The following MPPED2 variants were observed in gnomAD, a reference collection of about 807,000 sequenced individuals.
MPPED2 encodes metallophosphoesterase domain containing 2.
MPPED2 carries 5 observed loss-of-function variants against 33.0 expected under a neutral mutation model. That is an observed-to-expected ratio of 0.15 (90% CI 0.08 to 0.32). The LOEUF is 0.32. Among genes scored for constraint, MPPED2 ranks in the 10% least tolerant of loss-of-function variants. MPPED2 has a pLI of 1.00. For missense variants in MPPED2, 275 were observed against 372.1 expected (o/e 0.74, Z 2.15); for synonymous variants, 136 against 141.9 (o/e 0.96, Z 0.29).
chr11:30,535,788 C>G (rs1440592826), intron 3 of MPPED2, among the ~76,000 whole-genome samples: 4 of 152,008 alleles, frequency 2.6e-5, no homozygotes, highest in Non-Finnish European at 4.4e-5. Context: ...GCCACCAAGG[C>G]CAGGCACTGA....
intron 4 of MPPED2, among the ~76,000 whole-genome samples, chr11:30,491,130 G>GA (rs1203307898): frequency 2.6e-5 from 4 of 152,156 alleles, no homozygotes; most frequent in Non-Finnish European, 1.5e-5. Context: ...CTCAGAGATG[G>GA]AAAAAATCTA....
intron 4 of MPPED2, among the ~76,000 whole-genome samples, chr11:30,473,214 C>T (rs975587090): frequency 6.6e-6 from 1 of 152,142 alleles, no homozygotes; most frequent in Non-Finnish European, 1.5e-5. Flanking sequence ...AAATACAAGC[C>T]TTGGCATGTA....
intron 4 of MPPED2, among the ~76,000 whole-genome samples, chr11:30,428,726 C>G (rs556123860): frequency 2.0e-5 from 3 of 152,030 alleles, no homozygotes; most frequent in Non-Finnish European, 2.9e-5. Flanking sequence ...ATCTATAAAA[C>G]GGAGATAAAA....
At chr11:30,392,840 T>C (rs1310490666) in intron 6 of MPPED2, among the ~76,000 whole-genome samples, 1 of 152,212 alleles carries the variant, frequency 6.6e-6, no homozygotes, top group Non-Finnish European at 1.5e-5. Context: ...CAGCAATATC[T>C]GAGGAAGAAG....
intron 4 of MPPED2, among the ~76,000 whole-genome samples, chr11:30,476,269 T>A (rs143439801): frequency 9.2e-5 from 14 of 152,168 alleles, no homozygotes; most frequent in African/African-American, 3.1e-4. Flanking sequence ...TAAAATTTTG[T>A]CATTATTTTC....
intron 4 of MPPED2, among the ~76,000 whole-genome samples, chr11:30,448,209 T>C (rs1656672306): frequency 1.3e-5 from 2 of 152,254 alleles, no homozygotes; most frequent in African/African-American, 4.8e-5. Flanking sequence ...AAAGGACATC[T>C]TGATGTCACT....
At chr11:30,581,484 G>A (rs1351007125) in intron 1 of MPPED2, among the ~76,000 whole-genome samples, 1 of 152,190 alleles carries the variant, frequency 6.6e-6, no homozygotes, top group Non-Finnish European at 1.5e-5. Flanking sequence ...AGAAGAAGCC[G>A]TAGTACACTC....
At chr11:30,471,739 G>T (rs1207581905) in intron 4 of MPPED2, among the ~76,000 whole-genome samples, 1 of 152,176 alleles carries the variant, frequency 6.6e-6, no homozygotes, top group East Asian at 1.9e-4. Flanking sequence ...ATTACAGTGA[G>T]CAGGCGTTCG....
intron 3 of MPPED2, among the ~76,000 whole-genome samples, chr11:30,521,363 A>T (rs960564631): frequency 4.6e-5 from 7 of 152,238 alleles, no homozygotes; most frequent in Non-Finnish European, 1.0e-4. Flanking sequence ...AAAGCTTGCT[A>T]ATCAAACGCC....
intron 4 of MPPED2, among the ~76,000 whole-genome samples, chr11:30,461,066 G>A (rs1010228606): frequency 7.9e-5 from 12 of 152,338 alleles, no homozygotes; most frequent in Non-Finnish European, 8.8e-5. Flanking sequence ...ATTCTGACAC[G>A]TGGATGAATC....
chr11:30,402,462 C>A (rs1421562692), intron 6 of MPPED2, among the ~76,000 whole-genome samples: 1 of 152,172 alleles, frequency 6.6e-6, no homozygotes, highest in Non-Finnish European at 1.5e-5. Flanking sequence ...GTCCAGCTCT[C>A]CTGGTCCCCC....
At chr11:30,495,887 T>A (rs1357559026) in intron 3 of MPPED2, among the ~76,000 whole-genome samples, 1 of 152,190 alleles carries the variant, frequency 6.6e-6, no homozygotes, top group Non-Finnish European at 1.5e-5. Flanking sequence ...CTGTACCTAG[T>A]TTGGTCCTCA....
chr11:30,501,668 C>G (rs2134245905), intron 3 of MPPED2: 1 of 956,226 alleles, frequency 1.0e-6, no homozygotes, highest in South Asian at 4.8e-5. Context: ...GCAGAATATC[C>G]AGAATTTCTT....
intron 1 of MPPED2, among the ~76,000 whole-genome samples, chr11:30,582,838 C>T (rs934580785): frequency 2.6e-5 from 4 of 152,150 alleles, no homozygotes; most frequent in Non-Finnish European, 4.4e-5. Context: ...AAGCACAGGC[C>T]CCTGTAACTC....
chr11:30,545,469 C>T (rs974731831), intron 2 of MPPED2, among the ~76,000 whole-genome samples: 1 of 151,996 alleles, frequency 6.6e-6, no homozygotes, highest in African/African-American at 2.4e-5. Flanking sequence ...CCGAGTCTCC[C>T]GTAGCTCTAT....
intron 3 of MPPED2, among the ~76,000 whole-genome samples, chr11:30,527,306 C>A (rs956958242): frequency 6.6e-6 from 1 of 151,524 alleles, no homozygotes; most frequent in Admixed American, 6.6e-5. Flanking sequence ...TTTATTGTTT[C>A]AAAAAATCAG....
intron 2 of MPPED2, among the ~76,000 whole-genome samples, chr11:30,579,582 C>G (rs1366136872): frequency 1.3e-5 from 2 of 152,166 alleles, no homozygotes; most frequent in Admixed American, 6.5e-5. Context: ...CACTTTGCTC[C>G]TTAAACAGTT....
intron 2 of MPPED2, among the ~76,000 whole-genome samples, chr11:30,547,576 T>C (rs1955489645): frequency 6.6e-6 from 1 of 152,228 alleles, no homozygotes; most frequent in African/African-American, 2.4e-5. Context: ...CTATGTTCTT[T>C]GTATTGTATA....
At chr11:30,417,019 C>T (rs1302274716) in intron 5 of MPPED2, among the ~76,000 whole-genome samples, 1 of 152,068 alleles carries the variant, frequency 6.6e-6, no homozygotes, top group Admixed American at 6.6e-5. Flanking sequence ...ACTGAAATAC[C>T]TCAGCTTATA....
Sources: allele counts gnomAD v4.1 joint callset (sites outside exome capture counted in the v4.1 genomes callset), GRCh38; gene constraint gnomAD v4.1.1; transcripts MANE v1.5; gene names NCBI Gene and HGNC (gene_info 2026-07-23, HGNC 2026-07-21).